The following ZNF562 variants were observed in gnomAD, a reference collection of about 807,000 sequenced individuals.
The protein encoded by ZNF562 is zinc finger protein 562.
ZNF562 carries 13 observed loss-of-function variants against 17.5 expected under a neutral mutation model. The observed-to-expected ratio is 0.74, with a 90% CI of 0.48 to 1.18. ZNF562 has a LOEUF of 1.18. ZNF562 is among the 50% of genes most tolerant of loss of function. The probability of loss-of-function intolerance (pLI) is 0.00; values close to 1 mark genes in which losing one functional copy is unlikely to be tolerated. For synonymous variants in ZNF562, 163 were observed against 165.4 expected, an observed-to-expected ratio of 0.99 and a Z score of 0.11; for missense variants, 481 against 498.5, an observed-to-expected ratio of 0.96 and a Z score of 0.33.
Position 9,647,435 on chromosome 19 carries a change from G to C in ZNF562, c.*5514C>G, listed in dbSNP as rs184991392. ...TTTTTGGAGATATGGGGTCTGTGTT[G>C]CCCAGACTGATCTTGAACTCCTGGC... On this transcript the variant is annotated 3_prime_UTR_variant, in exon 6 of 6. Transcript: ENST00000453372. 1 of 152,158 alleles carries C rather than the reference G, an allele frequency of 6.6e-6. No individual in the cohort carries two copies. Among genetic ancestry groups the C allele is most frequent in the Admixed American group, 6.6e-5 (1 of 15,256 alleles). The allele number at this position is 152,158 out of a possible 1,614,324, so 9.4% of individuals were successfully genotyped here. A position where few individuals can be genotyped will look rare whatever the true frequency, so the allele number is the denominator to read the frequency against.
At chr19:9,669,776 A>ACACACACACACACACACACACACACAC (rs1555699562) in intron 1 of ZNF562, among the ~76,000 whole-genome samples, 1 of 143,080 alleles carries the variant, frequency 7.0e-6, no homozygotes, top group Non-Finnish European at 1.5e-5. Flanking sequence ...ACACACACAC[A>ACACACACACACACACACACACACACAC]ACCAGTCAGG....
intron 4 of ZNF562, among the ~76,000 whole-genome samples, chr19:9,657,588 C>G (rs1388345625): frequency 6.7e-6 from 1 of 149,810 alleles, no homozygotes; most frequent in Non-Finnish European, 1.5e-5. Flanking sequence ...CACTCTGTCA[C>G]CAGGCTGGAG....
At chr19:9,662,080 T>A (rs1054077232) in intron 1 of ZNF562, among the ~76,000 whole-genome samples, 1 of 152,030 alleles carries the variant, frequency 6.6e-6, no homozygotes, top group Non-Finnish European at 1.5e-5. Context: ...CTATTAATAC[T>A]GAAAAAAACC....
At chr19:9,659,046 A>G (rs956583297) in intron 3 of ZNF562, among the ~76,000 whole-genome samples, 8 of 152,226 alleles carry the variant, frequency 5.3e-5, no homozygotes, top group African/African-American at 1.9e-4. Context: ...CAGATACCTG[A>G]TAAATGCTGA....
chr19:9,660,767 G>A lies in ZNF562; in HGVS notation c.-23C>T, dbSNP rs757691934. The A allele has an allele frequency of 6.2e-7, 1 of 1,613,188 alleles. No individual in the cohort carries two copies. Among genetic ancestry groups the A allele is most frequent in the Non-Finnish European group, 8.5e-7 (1 of 1,179,504 alleles). On this transcript the variant is annotated 5_prime_UTR_variant, in exon 2 of 6. Transcript: ENST00000453372. The stretch of plus-strand genomic sequence containing the variant: ...CATCCTCTGAAGCTGATGGTGAGAT[G>A]TGCCTCAATGCTGTCTTTCTTGATG...
At chr19:9,656,160 C>G (rs1488442757) in intron 5 of ZNF562, among the ~76,000 whole-genome samples, 2 of 152,140 alleles carry the variant, frequency 1.3e-5, no homozygotes, top group Non-Finnish European at 2.9e-5. Context: ...ACACCACTAA[C>G]TGGGCTGATT....
intron 1 of ZNF562, 64 bp from the exon 2 acceptor site, chr19:9,660,938 T>C (rs2043712101): frequency 2.1e-6 from 1 of 487,530 alleles, no homozygotes; most frequent in Non-Finnish European, 3.6e-6. Context: ...ATGCATGAGC[T>C]TTCTCTCTGC....
intron 5 of ZNF562, among the ~76,000 whole-genome samples, chr19:9,655,884 C>G (rs1436773949): frequency 1.3e-5 from 2 of 151,616 alleles, no homozygotes; most frequent in African/African-American, 4.8e-5. Context: ...GGGTGCCCAC[C>G]ACCACACACA....
At chr19:9,653,960 T>C in intron 5 of ZNF562, 79 bp from the exon 6 acceptor site, 2 of 1,392,580 alleles carry the variant, frequency 1.4e-6, no homozygotes, top group Non-Finnish European at 1.9e-6. Context: ...AAACATTATT[T>C]TGATGACAAT....
At chr19:9,665,763 A>G (rs748116542) in intron 1 of ZNF562, among the ~76,000 whole-genome samples, 2 of 152,108 alleles carry the variant, frequency 1.3e-5, no homozygotes, top group South Asian at 2.1e-4. Flanking sequence ...TAAAGAAAGG[A>G]AATCATTTTG....
Position 9,648,186 on chromosome 19 carries a change from T to A in ZNF562, c.*4763A>T, listed in dbSNP as rs1375250332. ...TATTCAAACATAGCTCCATAACATA[T>A]TAGTAAAGGTCATGAAGTATTTTTA... On this transcript the variant is annotated 3_prime_UTR_variant, in exon 6 of 6. Transcript: ENST00000453372. The A allele has an allele frequency of 6.6e-6, 1 of 152,224 alleles. No homozygotes were observed. Among genetic ancestry groups the A allele is most frequent in the Non-Finnish European group, 1.5e-5 (1 of 68,040 alleles). 9.4% of individuals were successfully genotyped at this position (152,224 alleles called of 1,614,324 possible).
intron 1 of ZNF562, 108 bp from the exon 2 acceptor site, chr19:9,660,982 T>C: frequency 4.9e-6 from 2 of 406,940 alleles, no homozygotes; most frequent in Non-Finnish European, 8.8e-6. Flanking sequence ...AAAAACTGTA[T>C]ACTCAGTATC....
rs1422406404 is a variant in ZNF562 at position 9,646,753 on chromosome 19, T to C, written c.*6196A>G. The C allele has an allele frequency of 6.9e-6, 1 of 144,926 alleles. No homozygotes were observed. The highest frequency in any genetic ancestry group is 2.5e-5 in the African/African-American group (1 of 39,930). The allele number at this position is 144,926 out of a possible 1,614,324, so 9.0% of individuals were successfully genotyped here. A position where few individuals can be genotyped will look rare whatever the true frequency, so the allele number is the denominator to read the frequency against. On this transcript the variant is annotated 3_prime_UTR_variant, in exon 6 of 6. Coordinates refer to ENST00000453372, the MANE Select transcript of ZNF562 (RefSeq NM_001130031.2). ...TAGAAGAATATTCTCAAAATACTTATGCAAGCCTTAGTTGTCTTTTTTTTT... is the reference window on the plus strand; with the variant it reads ...TAGAAGAATATTCTCAAAATACTTACGCAAGCCTTAGTTGTCTTTTTTTTT...
At position 9,653,118 on chromosome 19, in the gene ZNF562, G is replaced by C; in HGVS notation, c.1112C>G (p.Pro371Arg). 1 of 1,611,472 alleles carries C rather than the reference G, an allele frequency of 6.2e-7. No homozygotes were observed. Among genetic ancestry groups the C allele is most frequent in the Non-Finnish European group, 8.5e-7 (1 of 1,178,452 alleles). Residue 371 changes from proline to arginine, a missense_variant, in exon 6 of 6, where the codon CCC becomes CGC. This residue lies in a region of ZNF562 where 78 missense variants were observed against 112.0 expected (regional missense o/e 0.70). Transcript: ENST00000453372. ...IHIRNHTGEK[P>R]YQCKECGKAF... Reference sequence around the variant, plus strand: ...TTTCCCACATTCCTTACACTGATAGGGTTTCTCTCCAGTGTGATTTCGTAT... The same window carrying C: ...TTTCCCACATTCCTTACACTGATAGCGTTTCTCTCCAGTGTGATTTCGTAT...
intron 1 of ZNF562, among the ~76,000 whole-genome samples, chr19:9,667,058 C>CACA (rs951592544): frequency 2.0e-5 from 3 of 151,976 alleles, no homozygotes; most frequent in Non-Finnish European, 4.4e-5. Flanking sequence ...CAGACAAGAG[C>CACA]ACAACAACAA....
chr19:9,646,241 T>G lies in ZNF562; in HGVS notation c.*6708A>C, dbSNP rs1405699351. On this transcript the variant is annotated 3_prime_UTR_variant, in exon 6 of 6. Coordinates refer to ENST00000453372, the MANE Select transcript of ZNF562 (RefSeq NM_001130031.2). ...CATGCACCACTAGGCACAGCTAATT[T>G]TGTATTTTTAGTAGAGATGGGGTTT... 6.6e-6 allele frequency: 1 copy of G among 151,986 alleles called. No individual in the cohort carries two copies. Among genetic ancestry groups the G allele is most frequent in the East Asian group, 1.9e-4 (1 of 5,174 alleles). The allele number at this position is 151,986 out of a possible 1,614,324, so 9.4% of individuals were successfully genotyped here.
At chr19:9,658,642 G>C (rs2043611186) in intron 3 of ZNF562, among the ~76,000 whole-genome samples, 1 of 152,120 alleles carries the variant, frequency 6.6e-6, no homozygotes, top group African/African-American at 2.4e-5. Context: ...GAGACACCAT[G>C]CCCATCTGAA....
intron 1 of ZNF562, among the ~76,000 whole-genome samples, chr19:9,671,137 C>T (rs534878139): frequency 6.6e-6 from 1 of 151,972 alleles, no homozygotes; most frequent in Admixed American, 6.6e-5. Context: ...AAGAGAATAA[C>T]GATGTTCCTA....
Position 9,655,717 on chromosome 19 carries a change from C to CTTTCTTTTTTTTTTTTTTT in ZNF562, c.348+829_348+830insAAAAAAAAAAAAAAAGAAA, listed in dbSNP as rs2043447309. Among the ~76,000 whole-genome samples, 3 of 48,674 alleles carry CTTTCTTTTTTTTTTTTTTT rather than the reference C, an allele frequency of 6.2e-5. 1 individual carries two copies. The highest frequency in any genetic ancestry group is 2.4e-4 in the African/African-American group (3 of 12,296). 31.9% of individuals were successfully genotyped at this position (48,674 alleles called of 152,430 possible). ...TTACAGGATTCACTTTCTTTTCTTT[C>CTTTCTTTTTTTTTTTTTTT]TTTTTTTTTTTTTTTTTTTTTTTTT... On this transcript the variant is annotated intron_variant, in intron 5 of 5. Coordinates refer to ENST00000453372, the MANE Select transcript of ZNF562 (RefSeq NM_001130031.2).
Sources: gnomAD v4.1 joint callset for allele counts (sites outside exome capture counted in the v4.1 genomes callset) on GRCh38, gnomAD v4.1.1 for gene constraint, gnomAD v4.1.1 regional missense constraint, MANE v1.5 for transcripts, NCBI Gene and HGNC (gene_info 2026-07-23, HGNC 2026-07-21) for gene names.